The following IL1RAPL1 variants were observed in gnomAD, a reference collection of about 807,000 sequenced individuals.
IL1RAPL1 encodes the protein interleukin 1 receptor accessory protein like 1, also known as interleukin-1 receptor accessory protein-like 1.
Under a neutral mutation model 48.4 loss-of-function variants are expected in IL1RAPL1, and 3 were observed. The observed-to-expected ratio is 0.06, with a 90% CI of 0.03 to 0.16. The LOEUF (loss-of-function observed/expected upper bound fraction) is 0.16. Ranked by LOEUF, IL1RAPL1 falls within the 10% of genes least tolerant of loss-of-function variation. IL1RAPL1 has a pLI of 1.00. For missense variants in IL1RAPL1, 349 were observed against 530.6 expected, an observed-to-expected ratio of 0.66 and a Z score of 3.36; for synonymous variants, 185 against 187.7, an observed-to-expected ratio of 0.99 and a Z score of 0.12.
At chrX:28,821,014 A>G (rs1936932375) in intron 2 of IL1RAPL1, among the ~76,000 whole-genome samples, 1 of 111,933 alleles carries the variant, frequency 8.9e-6, no homozygotes, top group Non-Finnish European at 1.9e-5. Context: ...TAGGCAACAT[A>G]TAAACCAGCA....
chrX:29,786,244 A>G (rs767116626), intron 6 of IL1RAPL1, among the ~76,000 whole-genome samples: 3 of 111,713 alleles, frequency 2.7e-5, no homozygotes, highest in Non-Finnish European at 5.6e-5. Flanking sequence ...AGTTGCTGAG[A>G]CATACAGTAC....
intron 2 of IL1RAPL1, among the ~76,000 whole-genome samples, chrX:28,797,159 C>A (rs1262493018): frequency 9.0e-6 from 1 of 111,515 alleles, no homozygotes. Flanking sequence ...CTGGGCCCAG[C>A]CCATGAAATC....
chrX:28,815,193 A>G (rs1430022738), intron 2 of IL1RAPL1, among the ~76,000 whole-genome samples: 1 of 110,932 alleles, frequency 9.0e-6, no homozygotes, highest in Non-Finnish European at 1.9e-5. Flanking sequence ...CTGAAAAAAC[A>G]TTTCACATTT....
chrX:29,283,295 C>G, intron 3 of IL1RAPL1, 78 bp downstream of exon 3: 1 of 1,023,005 alleles, frequency 9.8e-7, no homozygotes, highest in Non-Finnish European at 1.4e-6. Flanking sequence ...GCTGCTATCT[C>G]TTTTGCCTAA....
intron 2 of IL1RAPL1, among the ~76,000 whole-genome samples, chrX:28,908,814 T>C (rs751355815): frequency 1.8e-5 from 2 of 111,965 alleles, no homozygotes; most frequent in South Asian, 3.7e-4. Context: ...TAATAGTGGA[T>C]TTATCTATTT....
chrX:28,961,704 T>C (rs960635749), intron 2 of IL1RAPL1, among the ~76,000 whole-genome samples: 7 of 111,645 alleles, frequency 6.3e-5, no homozygotes, highest in Admixed American at 1.9e-4. Context: ...CTGCATAGTA[T>C]TGGGGAGCTA....
chrX:28,811,159 G>C (rs2147276023), intron 2 of IL1RAPL1, among the ~76,000 whole-genome samples: 1 of 110,514 alleles, frequency 9.0e-6, no homozygotes, highest in Admixed American at 9.6e-5. Flanking sequence ...GGTTAAGCTT[G>C]TTGAATTATT....
At chrX:29,268,173 G>A (rs891357071) in intron 2 of IL1RAPL1, among the ~76,000 whole-genome samples, 2 of 111,385 alleles carry the variant, frequency 1.8e-5, no homozygotes, top group South Asian at 3.8e-4. Context: ...ATATTTTTCC[G>A]GGCCCTGTAT....
intron 5 of IL1RAPL1, among the ~76,000 whole-genome samples, chrX:29,534,070 C>T (rs151137777): frequency 8.1e-5 from 9 of 111,716 alleles, no homozygotes; most frequent in African/African-American, 2.9e-4. Flanking sequence ...TGACCTTCAC[C>T]AAAAGCTGGT....
intron 2 of IL1RAPL1, among the ~76,000 whole-genome samples, chrX:29,240,213 TATATA>T (rs1569267359): frequency 5.8e-5 from 3 of 51,665 alleles, no homozygotes; most frequent in African/African-American, 2.9e-4. Context: ...TATATATATA[TATATA>T]TATATATTTT....
intron 2 of IL1RAPL1, among the ~76,000 whole-genome samples, chrX:28,858,079 A>T (rs886860873): frequency 3.6e-5 from 4 of 112,226 alleles, no homozygotes; most frequent in Non-Finnish European, 7.5e-5. Flanking sequence ...GTAACTGTAG[A>T]TGTGTTGAAA....
chrX:28,881,524 A>G (rs1293147762), intron 2 of IL1RAPL1, among the ~76,000 whole-genome samples: 2 of 111,964 alleles, frequency 1.8e-5, no homozygotes, highest in Non-Finnish European at 3.8e-5. Flanking sequence ...ACCAGAAAGT[A>G]GATATCTAGA....
chrX:29,381,279 G>A (rs773341419), intron 3 of IL1RAPL1, among the ~76,000 whole-genome samples: 1 of 107,791 alleles, frequency 9.3e-6, no homozygotes, highest in African/African-American at 3.4e-5. Context: ...TGTAATTTTG[G>A]AATTTTTGGA....
At chrX:28,751,104 T>C (rs961043144) in intron 1 of IL1RAPL1, among the ~76,000 whole-genome samples, 2 of 111,756 alleles carry the variant, frequency 1.8e-5, no homozygotes, top group Admixed American at 1.9e-4. Flanking sequence ...GAATCTTCAC[T>C]TTTTCATTGT....
intron 2 of IL1RAPL1, among the ~76,000 whole-genome samples, chrX:29,184,117 T>A (rs1219002749): frequency 2.7e-5 from 3 of 112,197 alleles, no homozygotes; most frequent in Non-Finnish European, 5.6e-5. Flanking sequence ...TTTCAACGTG[T>A]ATATACTTCT....
Position 29,396,375 on chromosome X carries a change from G to T in IL1RAPL1, c.480G>T (p.Lys160Asn), listed in dbSNP as rs1233203530. The change falls in exon 4 of 11, where the codon AAG becomes AAT. Residue 160 changes from lysine (K) to asparagine (N), a missense_variant. By Grantham distance (94) the Lys-to-Asn change is moderately conservative (BLOSUM62 0). Transcript: ENST00000378993. ...AAAAAGCTGAACTTAGCAAAAGCAA[G>T]GAAATTTCATGCCGTGACATAGAGG... The part of the protein sequence containing the change: ...YFEKAELSKS[K>N]EISCRDIEDF... The T allele has an allele frequency of 8.3e-7, 1 of 1,211,407 alleles. No homozygotes were observed.
intron 3 of IL1RAPL1, among the ~76,000 whole-genome samples, chrX:29,333,271 C>T (rs1243860573): frequency 2.9e-5 from 3 of 103,946 alleles, no homozygotes; most frequent in East Asian, 3.1e-4. Context: ...GCTGGCCGGG[C>T]GGGGGGCTGA....
At position 28,599,797 on chromosome X, in the gene IL1RAPL1, G is replaced by A. The variant is rs773104918; in HGVS notation, c.-25+11750G>A. ...GAAACAGACTCCGAGATGAAGAATT[G>A]CATACAAAAGTTTTAGTTGTTTCTG... On this transcript the variant is annotated intron_variant, in intron 1 of 10. Transcript: ENST00000378993. 1.3e-4 allele frequency among the ~76,000 whole-genome samples: 14 copies of A among 111,842 alleles called. No homozygotes were observed. In the South Asian group the frequency reaches 5.3e-3, roughly 43 times the overall value.
At chrX:28,948,465 A>C (rs1924364750) in intron 2 of IL1RAPL1, among the ~76,000 whole-genome samples, 1 of 110,646 alleles carries the variant, frequency 9.0e-6, no homozygotes, top group African/African-American at 3.3e-5. Context: ...ATTGAACCCC[A>C]TGCAGAGAGA....
Sources: gnomAD v4.1 joint callset for allele counts (sites outside exome capture counted in the v4.1 genomes callset) on GRCh38, gnomAD v4.1.1 for gene constraint, MANE v1.5 for transcripts, NCBI Gene and HGNC (gene_info 2026-07-23, HGNC 2026-07-21) for gene names.